Variants in GRID2 observed in about 807,000 individuals in gnomAD.
GRID2 encodes glutamate ionotropic receptor delta type subunit 2.
In GRID2, 33 loss-of-function variants were observed where a neutral mutation model predicts 114.8. The observed-to-expected ratio is 0.29, with a 90% CI of 0.22 to 0.38. The LOEUF is 0.38. Ranked by LOEUF, GRID2 falls within the 10% of genes least tolerant of loss-of-function variation. The pLI, the probability that GRID2 is intolerant of heterozygous loss-of-function variation, is 1.00. For missense variants in GRID2, 1,184 were observed against 1,257.7 expected, an observed-to-expected ratio of 0.94 and a Z score of 0.89; for synonymous variants, 505 against 449.9, an observed-to-expected ratio of 1.12 and a Z score of -1.55.
intron 2 of GRID2, among the ~76,000 whole-genome samples, chr4:93,006,191 A>G (rs1220246149): frequency 6.6e-6 from 1 of 152,134 alleles, no homozygotes; most frequent in Non-Finnish European, 1.5e-5. Flanking sequence ...CATAACTAAA[A>G]TACATTCAAT....
chr4:92,439,085 TA>T (rs1410278868), intron 1 of GRID2, among the ~76,000 whole-genome samples: 1 of 151,612 alleles, frequency 6.6e-6, no homozygotes, highest in Non-Finnish European at 1.5e-5. Flanking sequence ...GGGGCCGTTT[TA>T]CAGGATTTGG....
At chr4:93,284,817 T>C (rs1752979573) in intron 8 of GRID2, among the ~76,000 whole-genome samples, 1 of 151,988 alleles carries the variant, frequency 6.6e-6, no homozygotes, top group African/African-American at 2.4e-5. Context: ...TATATTTCGG[T>C]ACATATTTAG....
intron 2 of GRID2, among the ~76,000 whole-genome samples, chr4:92,595,764 AT>A (rs1468263993): frequency 2.6e-5 from 4 of 152,160 alleles, no homozygotes; most frequent in African/African-American, 9.6e-5. Context: ...ATGACAGGAA[AT>A]TAGCACAGTC....
chr4:93,407,702 TCTCCTCCTCCTCCTCCTCCTTCTC>T lies in GRID2; in HGVS notation c.1347+12015_1347+12038del, dbSNP rs1766600101. On this transcript the variant is annotated intron_variant, in intron 9 of 15. Transcript: ENST00000282020. ...TTTTTTTTTTTTCATGTTTGGAAGG[TCTCCTCCTCCTCCTCCTCCTTCTC>T]CTCCTCCTCCTCCTCCTCCTCCTCC... Among the ~76,000 whole-genome samples the T allele has an allele frequency of 4.3e-5, 5 of 117,438 alleles. No homozygotes were observed. The East Asian group carries it at 1.1e-3, about 26-fold the overall frequency. 77.0% of individuals were successfully genotyped at this position (117,438 alleles called of 152,430 possible).
chr4:92,433,747 T>C (rs554427907), intron 1 of GRID2, among the ~76,000 whole-genome samples: 2 of 152,302 alleles, frequency 1.3e-5, no homozygotes, highest in South Asian at 4.1e-4. Context: ...AGATAGGTGT[T>C]CCTGTGGGGA....
At chr4:93,279,276 TACTTC>T (rs1752397747) in intron 8 of GRID2, among the ~76,000 whole-genome samples, 2 of 151,920 alleles carry the variant, frequency 1.3e-5, no homozygotes, top group African/African-American at 4.8e-5. Context: ...AGTTGTATAT[TACTTC>T]ACTTAGGCAC....
At chr4:92,345,518 G>A (rs1031678177) in intron 1 of GRID2, among the ~76,000 whole-genome samples, 3 of 152,094 alleles carry the variant, frequency 2.0e-5, no homozygotes, top group African/African-American at 4.8e-5. Context: ...TGGAAACTTC[G>A]TACTGTTTTC....
At chr4:92,803,211 A>C (rs1740256920) in intron 2 of GRID2, among the ~76,000 whole-genome samples, 1 of 151,964 alleles carries the variant, frequency 6.6e-6, no homozygotes, top group Admixed American at 6.6e-5. Context: ...CATTAACCAA[A>C]GCTGGCATTC....
chr4:92,954,839 C>T lies in GRID2; in HGVS notation c.245-130156C>T, dbSNP rs1752278892. Among the ~76,000 whole-genome samples the T allele has an allele frequency of 7.8e-5, 11 of 141,276 alleles. No homozygotes were observed. In the South Asian group the frequency reaches 2.5e-3, roughly 33 times the overall value. The allele number at this position is 141,276 out of a possible 152,430, so 92.7% of individuals were successfully genotyped here. On this transcript the variant is annotated intron_variant, in intron 2 of 15. Transcript: ENST00000282020. ...GTCCATGTGATCTCATTGTTCAATTCCCACCTATGAGTGAGAATATGCGGT... is the reference window on the plus strand; with the variant it reads ...GTCCATGTGATCTCATTGTTCAATTTCCACCTATGAGTGAGAATATGCGGT...
chr4:93,280,074 T>G (rs1316543604), intron 8 of GRID2, among the ~76,000 whole-genome samples: 2 of 151,902 alleles, frequency 1.3e-5, no homozygotes, highest in Non-Finnish European at 2.9e-5. Context: ...TGGTGAGTGC[T>G]AGGTTTAAGA....
intron 8 of GRID2, among the ~76,000 whole-genome samples, chr4:93,363,843 A>G (rs1762096426): frequency 1.3e-5 from 2 of 151,710 alleles, no homozygotes; most frequent in South Asian, 4.1e-4. Context: ...AATAGAAAAT[A>G]TATGTATATA....
At chr4:92,542,364 G>C (rs1726008388) in intron 1 of GRID2, among the ~76,000 whole-genome samples, 1 of 152,030 alleles carries the variant, frequency 6.6e-6, no homozygotes, top group Non-Finnish European at 1.5e-5. Context: ...AAAAAGAACA[G>C]TTTTACCTGC....
At chr4:92,961,133 T>C (rs1322297600) in intron 2 of GRID2, among the ~76,000 whole-genome samples, 1 of 151,700 alleles carries the variant, frequency 6.6e-6, no homozygotes, top group African/African-American at 2.4e-5. Flanking sequence ...TCATTTCACA[T>C]ATACGTAAGC....
intron 2 of GRID2, among the ~76,000 whole-genome samples, chr4:93,062,585 C>G (rs1727904278): frequency 6.6e-6 from 1 of 152,000 alleles, no homozygotes; most frequent in Non-Finnish European, 1.5e-5. Flanking sequence ...GACTCTGATT[C>G]CTCCTGATTT....
chr4:92,611,352 C>T (rs1242586935), intron 2 of GRID2, among the ~76,000 whole-genome samples: 1 of 151,476 alleles, frequency 6.6e-6, no homozygotes, highest in Admixed American at 6.6e-5. Flanking sequence ...CTCATATGAT[C>T]TCTTCTTTGT....
intron 8 of GRID2, among the ~76,000 whole-genome samples, chr4:93,240,441 T>C (rs1307580032): frequency 6.6e-6 from 1 of 151,454 alleles, no homozygotes; most frequent in Non-Finnish European, 1.5e-5. Flanking sequence ...AATTGCTCAT[T>C]ATTTTTTTTT....
intron 13 of GRID2, among the ~76,000 whole-genome samples, chr4:93,579,892 G>A (rs1736791285): frequency 6.6e-6 from 1 of 152,168 alleles, no homozygotes; most frequent in Non-Finnish European, 1.5e-5. Flanking sequence ...TGAGTGATCA[G>A]GAGGAAAATA....
intron 4 of GRID2, among the ~76,000 whole-genome samples, chr4:93,143,609 C>T (rs1451090717): frequency 6.6e-6 from 1 of 152,130 alleles, no homozygotes; most frequent in African/African-American, 2.4e-5. Flanking sequence ...TTACATTCCA[C>T]TTTAGAATAG....
intron 4 of GRID2, among the ~76,000 whole-genome samples, chr4:93,166,466 A>T (rs1738257633): frequency 6.6e-6 from 1 of 152,142 alleles, no homozygotes. Flanking sequence ...GGAGAAAGAG[A>T]CCTTATCTCT....
Sources: allele counts gnomAD v4.1 joint callset (sites outside exome capture counted in the v4.1 genomes callset), GRCh38; gene constraint gnomAD v4.1.1; transcripts MANE v1.5; gene names NCBI Gene and HGNC (gene_info 2026-07-23, HGNC 2026-07-21).